The following ITGB8 variants were observed in gnomAD, a reference collection of about 807,000 sequenced individuals.
The protein encoded by ITGB8 is integrin beta-8.
Under a neutral mutation model 89.5 loss-of-function variants are expected in ITGB8, and 30 were observed. The ratio of observed to expected loss-of-function variants is 0.34; its 90% CI spans 0.25 to 0.45. The LOEUF is 0.45. ITGB8 is among the 20% of genes least tolerant of loss of function. ITGB8 has a pLI of 1.00. For missense variants in ITGB8, 836 were observed against 933.3 expected (o/e 0.90, Z 1.36); for synonymous variants, 335 against 320.4 (o/e 1.05, Z -0.49).
rs773465699 is a variant in ITGB8 at position 20,404,808 on chromosome 7, T to C, written c.1868T>C (p.Phe623Ser). Residue 623 changes from phenylalanine (F) to serine (S), a missense_variant, in exon 11 of 14, where the codon TTC becomes TCC. By Grantham distance (155) the Phe-to-Ser change is radical. Around this residue, in one of 5 missense-constraint regions of ITGB8, gnomAD observed 422 missense variants for 416.9 expected, o/e 1.01. Coordinates refer to ENST00000222573, the MANE Select transcript of ITGB8 (RefSeq NM_002214.3). ...ACCGATCCCAGGAGCATCGGCCGCTTCTGTGAACACTGCCCCACCTGTTAT... is the reference window on the plus strand; with the variant it reads ...ACCGATCCCAGGAGCATCGGCCGCTCCTGTGAACACTGCCCCACCTGTTAT... Reference protein sequence around the residue: ...ECTDPRSIGRFCEHCPTCYTA... With the variant: ...ECTDPRSIGRSCEHCPTCYTA... The C allele has an allele frequency of 6.2e-6, 10 of 1,614,198 alleles. 1 individual carries two copies. The South Asian group carries it at 9.9e-5, about 16-fold the overall frequency.
chr7:20,343,174 T>C (rs1784818824), intron 1 of ITGB8, among the ~76,000 whole-genome samples: 1 of 152,222 alleles, frequency 6.6e-6, no homozygotes, highest in Non-Finnish European at 1.5e-5. Flanking sequence ...ATGTTGGATA[T>C]TGGCAGACAA....
intron 7 of ITGB8, among the ~76,000 whole-genome samples, chr7:20,393,874 G>A (rs1786964270): frequency 6.6e-6 from 1 of 152,124 alleles, no homozygotes; most frequent in African/African-American, 2.4e-5. Context: ...CTCAAATGCT[G>A]GCCAGGTATC....
rs538952756 is a variant in ITGB8, at chr7:20,397,384, C to T, written c.1147-1476C>T. Reference sequence around the variant, plus strand: ...TGGGATTACAGGCGTATCACGCACACCCGGCTAATTTTTGTATTTTTAGTA... The same window carrying T: ...TGGGATTACAGGCGTATCACGCACATCCGGCTAATTTTTGTATTTTTAGTA... On this transcript the variant is annotated intron_variant, in intron 8 of 13. Transcript: ENST00000222573. Among the ~76,000 whole-genome samples the T allele has an allele frequency of 2.2e-4, 33 of 152,172 alleles. No individual in the cohort carries two copies. In the South Asian group the frequency reaches 6.8e-3, roughly 32 times the overall value.
chr7:20,356,736 G>C (rs1785308445), intron 1 of ITGB8, among the ~76,000 whole-genome samples: 1 of 152,086 alleles, frequency 6.6e-6, no homozygotes, highest in Non-Finnish European at 1.5e-5. Flanking sequence ...AGATAACCAT[G>C]AACATCCTTT....
chr7:20,354,078 G>A (rs577333570), intron 1 of ITGB8, among the ~76,000 whole-genome samples: 1 of 151,438 alleles, frequency 6.6e-6, no homozygotes, highest in East Asian at 1.9e-4. Flanking sequence ...GATTACTTAA[G>A]AATATATGTA....
intron 6 of ITGB8, among the ~76,000 whole-genome samples, chr7:20,389,473 G>A (rs994940699): frequency 6.6e-6 from 1 of 152,130 alleles, no homozygotes; most frequent in Non-Finnish European, 1.5e-5. Flanking sequence ...TTTTGGAAAG[G>A]GGAAGAGATT....
upstream of ITGB8, among the ~76,000 whole-genome samples, chr7:20,330,006 C>T (rs915969957): frequency 6.6e-6 from 1 of 152,200 alleles, no homozygotes; most frequent in African/African-American, 2.4e-5. Context: ...CCTTAGCTCC[C>T]CTCTCCCCGC....
chr7:20,363,759 CTT>C (rs549851560), intron 2 of ITGB8, 37 bp downstream of exon 2: 16,882 of 1,294,726 alleles, frequency 0.013, 141 homozygotes, highest in Non-Finnish European at 0.015. Context: ...TCATGGTTGA[CTT>C]GAGCTATAGC....
chr7:20,389,967 G>C (rs1009098429), intron 6 of ITGB8, among the ~76,000 whole-genome samples: 1 of 151,918 alleles, frequency 6.6e-6, no homozygotes, highest in Non-Finnish European at 1.5e-5. Context: ...ATGTGTAAAG[G>C]CAACTCATGA....
At chr7:20,405,329 T>A (rs10807802) in intron 11 of ITGB8, among the ~76,000 whole-genome samples, 93,214 of 142,406 alleles carry the variant, frequency 0.65, 29,791 homozygotes, top group East Asian at 0.91. Flanking sequence ...ATATATATAT[T>A]TTTTTTTTGT....
intron 1 of ITGB8, among the ~76,000 whole-genome samples, chr7:20,337,981 G>C (rs1784631308): frequency 6.6e-6 from 1 of 152,224 alleles, no homozygotes; most frequent in African/African-American, 2.4e-5. Flanking sequence ...GGTAAACAGA[G>C]CTTGGACATG....
intron 1 of ITGB8, among the ~76,000 whole-genome samples, chr7:20,333,485 A>C (rs1784478853): frequency 6.6e-6 from 1 of 152,230 alleles, no homozygotes; most frequent in African/African-American, 2.4e-5. Context: ...TAAAATGACC[A>C]AAATTTGTGT....
chr7:20,363,365 C>A (rs1583492162), intron 1 of ITGB8, among the ~76,000 whole-genome samples: 1 of 152,112 alleles, frequency 6.6e-6, no homozygotes, highest in East Asian at 1.9e-4. Context: ...TGAAGCCAGA[C>A]CCCCAAACCT....
In ITGB8 at chr7:20,412,659, T is replaced by A. The variant is rs1245161850; in HGVS notation, c.*2662T>A. The A allele has an allele frequency of 1.3e-5, 2 of 152,654 alleles. No homozygotes were observed. The allele number at this position is 152,654 out of a possible 1,614,324, so 9.5% of individuals were successfully genotyped here. ...CAGTGTTAGACGATGATTGTGGTTA[T>A]GCTTGCAAAGTCTTGTGCTTATCTT... On this transcript the variant is annotated 3_prime_UTR_variant, in exon 14 of 14. Coordinates refer to ENST00000222573, the MANE Select transcript of ITGB8 (RefSeq NM_002214.3).
Position 20,367,090 on chromosome 7 carries a change from T to G in ITGB8, c.292T>G (p.Ser98Ala). The part of the protein sequence containing the change: ...NLISKGCSVD[S>A]IEYPSVHVII... ...AATAAGCAAAGGCTGCTCAGTTGAT[T>G]CAATAGAATACCCATCTGTGCATGT... Residue 98 changes from serine to alanine, a missense_variant, in exon 3 of 14, where the codon TCA becomes GCA. Around this residue, in one of 5 missense-constraint regions of ITGB8, gnomAD observed 182 missense variants for 177.0 expected, o/e 1.03. Coordinates refer to ENST00000222573, the MANE Select transcript of ITGB8 (RefSeq NM_002214.3). 4 of 1,611,108 alleles carry G rather than the reference T, an allele frequency of 2.5e-6. No homozygotes were observed. Among genetic ancestry groups the G allele is most frequent in the Non-Finnish European group, 3.4e-6 (4 of 1,177,312 alleles).
intron 6 of ITGB8, among the ~76,000 whole-genome samples, chr7:20,388,757 G>A (rs914976096): frequency 2.0e-5 from 3 of 152,026 alleles, no homozygotes; most frequent in Middle Eastern, 3.4e-3. Flanking sequence ...ATCTACATTA[G>A]GTATTTCTCC....
At chr7:20,391,277 C>G (rs10227623) in intron 6 of ITGB8, 126 bp from the exon 7 acceptor site, 1 of 439,342 alleles carries the variant, frequency 2.3e-6, no homozygotes, top group Non-Finnish European at 4.1e-6. Context: ...TAAATGTCTT[C>G]AGTAAAACCA....
intron 3 of ITGB8, among the ~76,000 whole-genome samples, chr7:20,378,606 T>C (rs1159571078): frequency 6.6e-6 from 1 of 152,026 alleles, no homozygotes. Context: ...GGAGATCACC[T>C]TTTTTTAAAG....
intron 9 of ITGB8, 118 bp downstream of exon 9, chr7:20,399,112 T>C: frequency 9.6e-7 from 1 of 1,042,396 alleles, no homozygotes; most frequent in Non-Finnish European, 1.4e-6. Context: ...AGAATCTTAT[T>C]TATACTTCAA....
Sources: allele counts gnomAD v4.1 joint callset (sites outside exome capture counted in the v4.1 genomes callset), GRCh38; gene constraint gnomAD v4.1.1; regional missense constraint gnomAD v4.1.1; transcripts MANE v1.5; gene names NCBI Gene and HGNC (gene_info 2026-07-23, HGNC 2026-07-21).